The following TEX35 variants were observed in gnomAD, a reference collection of about 807,000 sequenced individuals.
The protein encoded by TEX35 is testis expressed 35.
Under a neutral mutation model 31.9 loss-of-function variants are expected in TEX35, and 26 were observed. The ratio of observed to expected loss-of-function variants is 0.81; its 90% confidence interval spans 0.60 to 1.13. TEX35 has a LOEUF of 1.13. Among genes scored for constraint, TEX35 ranks in the 50% most tolerant of loss-of-function variants. The probability of loss-of-function intolerance (pLI) is 0.00; values close to 1 mark genes in which losing one functional copy is unlikely to be tolerated. For missense variants in TEX35, 278 were observed against 273.5 expected (o/e 1.02, Z -0.12); for synonymous variants, 87 against 90.7 (o/e 0.96, Z 0.23).
At chr1:178,523,175 C>T (rs548167319), downstream of TEX35, 11 of 610,960 alleles carry the variant, frequency 1.8e-5, no homozygotes, top group East Asian at 6.0e-5. Context: ...TGTGTGTGTA[C>T]GATATTTTCC....
chr1:178,523,263 G>A (rs1650345117), downstream of TEX35: 1 of 699,960 alleles, frequency 1.4e-6, no homozygotes. Context: ...ATGTGAGAGT[G>A]CAGATATCTC....
At chr1:178,521,044 G>T in intron 7 of TEX35, 170 bp downstream of exon 7, 1 of 1,545,624 alleles carries the variant, frequency 6.5e-7, no homozygotes, top group Admixed American at 2.0e-5. Flanking sequence ...TGCCTTCTAG[G>T]CCTGTGGAGC....
chr1:178,516,767 T>C, intron 5 of TEX35, 93 bp downstream of exon 5: 1 of 771,548 alleles, frequency 1.3e-6, no homozygotes. Context: ...GAGCTTATTA[T>C]CTACTAGTAG....
chr1:178,518,253 C>T (rs552569986), intron 5 of TEX35, among the ~76,000 whole-genome samples: 2 of 152,164 alleles, frequency 1.3e-5, no homozygotes, highest in African/African-American at 2.4e-5. Context: ...CATATAAATG[C>T]TCTTATACTG....
intron 3 of TEX35, among the ~76,000 whole-genome samples, chr1:178,515,221 C>G (rs1650031215): frequency 6.6e-6 from 1 of 152,206 alleles, no homozygotes; most frequent in Non-Finnish European, 1.5e-5. Flanking sequence ...AATTCTCCTG[C>G]CTCAGCCTCC....
chr1:178,521,027 C>G, intron 7 of TEX35, 153 bp downstream of exon 7: 3 of 1,539,600 alleles, frequency 1.9e-6, no homozygotes, highest in Non-Finnish European at 2.6e-6. Context: ...CCCTCCCTGA[C>G]CTGCCTTGCC....
At chr1:178,515,939 T>C in intron 4 of TEX35, 24 bp downstream of exon 4, 2 of 1,576,120 alleles carry the variant, frequency 1.3e-6, no homozygotes, top group South Asian at 1.1e-5. Flanking sequence ...GCCTTCCATA[T>C]CATGGAGGGA....
intron 8 of TEX35, chr1:178,521,992 C>G (rs1650303006): frequency 1.3e-6 from 1 of 799,380 alleles, no homozygotes; most frequent in Admixed American, 3.0e-5. Context: ...TCCATTCCAC[C>G]TGGGTCTGCA....
chr1:178,523,334 T>G, downstream of TEX35: 1 of 694,410 alleles, frequency 1.4e-6, no homozygotes, highest in South Asian at 1.5e-5. Flanking sequence ...GCTGGATCTA[T>G]GGTAGCTCAA....
rs142925136 is a variant in TEX35, at chr1:178,515,871, G to C, written c.172G>C (p.Glu58Gln). ...TTTATTTCCTCAGAATGAACTCAGG[G>C]AAGTGAGAGAAGAGCTCAAGGAGAA... ...VTQDLKNELR[E>Q]VREELKEKME... The change falls in exon 4 of 9, where the codon GAA becomes CAA. Residue 58 changes from glutamate (E) to glutamine (Q), a missense_variant. Physicochemically the swap from Glu to Gln is conservative, Grantham distance 29. Coordinates refer to ENST00000319416, the MANE Select transcript of TEX35 (RefSeq NM_032126.5). 1.5e-5 allele frequency: 24 copies of C among 1,612,134 alleles called. No individual in the cohort carries two copies. The African/African-American group carries it at 2.8e-4, about 19-fold the overall frequency.
Position 178,514,664 on chromosome 1 carries a change from A to G in TEX35, c.91-36A>G, listed in dbSNP as rs549729478. On this transcript the variant is annotated intron_variant, in intron 2 of 8. Transcript: ENST00000319416. ...TCTGCACTTCCACCGCCCATCTGCAATTCCCAAAGGTCTGTGTTCCTGTTT... is the reference window on the plus strand; with the variant it reads ...TCTGCACTTCCACCGCCCATCTGCAGTTCCCAAAGGTCTGTGTTCCTGTTT... 6.2e-6 allele frequency: 10 copies of G among 1,606,302 alleles called. No homozygotes were observed. In the African/African-American group the frequency reaches 8.0e-5, roughly 13 times the overall value.
chr1:178,519,423 A>G (rs1452544226), intron 5 of TEX35, among the ~76,000 whole-genome samples: 2 of 152,216 alleles, frequency 1.3e-5, no homozygotes, highest in African/African-American at 4.8e-5. Flanking sequence ...GAAGGGGTAC[A>G]TGTTGGTGAA....
At chr1:178,513,281 T>G in intron 1 of TEX35, 54 bp downstream of exon 1, 1 of 1,608,242 alleles carries the variant, frequency 6.2e-7, no homozygotes, top group Non-Finnish European at 8.5e-7. Context: ...TCCTACTGAA[T>G]GGAGATGGTG....
chr1:178,521,087 T>C, intron 7 of TEX35, 135 bp from the exon 8 acceptor site: 1 of 1,582,240 alleles, frequency 6.3e-7, no homozygotes, highest in Non-Finnish European at 8.6e-7. Flanking sequence ...GACTTGACCC[T>C]GGATGGGCCT....
At chr1:178,514,156 G>A in intron 2 of TEX35, 79 bp downstream of exon 2, 1 of 1,610,796 alleles carries the variant, frequency 6.2e-7, no homozygotes, top group Non-Finnish European at 8.5e-7. Flanking sequence ...GGGGTCATTT[G>A]CTGATCCTAG....
chr1:178,522,051 C>T (rs1650305969), intron 8 of TEX35: 1 of 654,322 alleles, frequency 1.5e-6, no homozygotes, highest in Non-Finnish European at 2.5e-6. Flanking sequence ...TAGCGGACGC[C>T]AGTCTGTGTG....
chr1:178,518,329 C>A (rs1026166834), intron 5 of TEX35, among the ~76,000 whole-genome samples: 1 of 151,920 alleles, frequency 6.6e-6, no homozygotes, highest in Non-Finnish European at 1.5e-5. Context: ...AAAAATCAAC[C>A]TCTTGATTTG....
chr1:178,523,269 A>G (rs1650345212), downstream of TEX35: 1 of 700,498 alleles, frequency 1.4e-6, no homozygotes, highest in African/African-American at 1.8e-5. Context: ...GAGTGCAGAT[A>G]TCTCTTCAAT....
At chr1:178,522,182 T>A in intron 8 of TEX35, 143 bp from the exon 9 acceptor site, 1 of 1,182,936 alleles carries the variant, frequency 8.5e-7, no homozygotes. Context: ...GAGTTCTGCC[T>A]GCACCACACC....
Sources: gnomAD v4.1 joint callset for allele counts (sites outside exome capture counted in the v4.1 genomes callset) on GRCh38, gnomAD v4.1.1 for gene constraint, MANE v1.5 for transcripts, NCBI Gene and HGNC (gene_info 2026-07-23, HGNC 2026-07-21) for gene names.